UVRAG: variants seen among roughly 807,000 people sequenced by gnomAD.
UVRAG encodes the protein UV radiation resistance-associated gene protein.
A neutral mutation model predicts 78.0 loss-of-function variants in UVRAG; 19 were observed. That is an observed-to-expected ratio of 0.24 (90% confidence interval 0.17 to 0.36). The LOEUF (loss-of-function observed/expected upper bound fraction) is 0.36. Ranked by LOEUF, UVRAG falls within the 10% of genes least tolerant of loss-of-function variation. The pLI is 1.00. For synonymous variants in UVRAG, 323 were observed against 324.6 expected, an observed-to-expected ratio of 1.00 and a Z score of 0.05; for missense variants, 740 against 853.8, an observed-to-expected ratio of 0.87 and a Z score of 1.66.
intron 5 of UVRAG, among the ~76,000 whole-genome samples, chr11:75,903,886 A>G (rs989415833): frequency 1.3e-5 from 2 of 152,170 alleles, no homozygotes; most frequent in Non-Finnish European, 2.9e-5. Flanking sequence ...TTATTTCTGT[A>G]TACATTTTGT....
intron 5 of UVRAG, among the ~76,000 whole-genome samples, chr11:75,906,064 G>C (rs1209704951): frequency 6.6e-6 from 1 of 152,026 alleles, no homozygotes; most frequent in African/African-American, 2.4e-5. Flanking sequence ...TTTTGCTGTT[G>C]AATGTATGAG....
At chr11:75,878,937 G>GAGAAGA (rs796830298) in intron 3 of UVRAG, among the ~76,000 whole-genome samples, 2 of 147,568 alleles carry the variant, frequency 1.4e-5, no homozygotes, top group Middle Eastern at 3.3e-3. Flanking sequence ...GAGGGAGAGG[G>GAGAAGA]AGACCCCCTT....
intron 5 of UVRAG, among the ~76,000 whole-genome samples, chr11:75,890,302 T>C (rs1346263128): frequency 6.6e-6 from 1 of 152,216 alleles, no homozygotes; most frequent in Non-Finnish European, 1.5e-5. Context: ...GGGAGACCAG[T>C]AAGGAGGATC....
chr11:75,997,788 A>G (rs1949736141), intron 8 of UVRAG, among the ~76,000 whole-genome samples: 1 of 152,238 alleles, frequency 6.6e-6, no homozygotes, highest in Non-Finnish European at 1.5e-5. Flanking sequence ...AGAGGCTTCA[A>G]GCTTGGAATT....
chr11:76,034,105 A>G (rs1361784682), intron 12 of UVRAG, among the ~76,000 whole-genome samples: 1 of 152,210 alleles, frequency 6.6e-6, no homozygotes, highest in Non-Finnish European at 1.5e-5. Context: ...GGAATTATTC[A>G]TAATTATATA....
At chr11:75,845,795 C>A (rs561573908) in intron 1 of UVRAG, among the ~76,000 whole-genome samples, 254 of 152,136 alleles carry the variant, frequency 1.7e-3, no homozygotes, top group Admixed American at 2.9e-3. Context: ...GTACCCCAAA[C>A]CCTGAGACAT....
At chr11:76,042,657 G>A (rs1242687056) in intron 12 of UVRAG, among the ~76,000 whole-genome samples, 1 of 152,192 alleles carries the variant, frequency 6.6e-6, no homozygotes, top group African/African-American at 2.4e-5. Context: ...ATAGTTTTAT[G>A]CACTAAGACA....
At chr11:75,967,985 A>G (rs771899776) in intron 7 of UVRAG, among the ~76,000 whole-genome samples, 1 of 152,256 alleles carries the variant, frequency 6.6e-6, no homozygotes. Context: ...TTTAGCTCCA[A>G]TATGATCAAT....
intron 12 of UVRAG, among the ~76,000 whole-genome samples, chr11:76,027,519 T>C (rs938047122): frequency 1.3e-5 from 2 of 152,098 alleles, no homozygotes; most frequent in African/African-American, 2.4e-5. Context: ...TTTGGGGTCA[T>C]GTTGGCTTCT....
At chr11:76,104,759 G>GT (rs1471735618) in intron 13 of UVRAG, among the ~76,000 whole-genome samples, 1 of 152,124 alleles carries the variant, frequency 6.6e-6, no homozygotes, top group Non-Finnish European at 1.5e-5. Flanking sequence ...ATCCTGTCGG[G>GT]TATTTGTGGT....
At chr11:76,005,698 C>A (rs1949921422) in intron 9 of UVRAG, among the ~76,000 whole-genome samples, 1 of 152,364 alleles carries the variant, frequency 6.6e-6, no homozygotes, top group East Asian at 1.9e-4. Flanking sequence ...ATTTGGCAAG[C>A]CCCAGGTTGT....
chr11:75,996,044 T>C (rs767581210), intron 8 of UVRAG, among the ~76,000 whole-genome samples: 20 of 152,134 alleles, frequency 1.3e-4, no homozygotes, highest in Non-Finnish European at 2.6e-4. Context: ...CTTCTGATTT[T>C]ATTTCAGTTT....
rs117659469 is a variant in UVRAG at position 76,041,444 on chromosome 11, A to G, written c.1227-24266A>G. ...GTTGCCACTGCATCTGATAGTGGGAAGGGAGTTGGTATTGGTCAGCAGGGC... is the reference window on the plus strand; with the variant it reads ...GTTGCCACTGCATCTGATAGTGGGAGGGGAGTTGGTATTGGTCAGCAGGGC... On this transcript the variant is annotated intron_variant, in intron 12 of 14. Transcript: ENST00000356136. 4.3e-3 allele frequency among the ~76,000 whole-genome samples: 659 copies of G among 152,294 alleles called. 8 individuals carry two copies. Among genetic ancestry groups the G allele is most frequent in the East Asian group, 0.03 (156 of 5,188 alleles).
At chr11:75,914,905 T>G (rs1333624676) in intron 6 of UVRAG, among the ~76,000 whole-genome samples, 4 of 151,924 alleles carry the variant, frequency 2.6e-5, no homozygotes, top group African/African-American at 7.2e-5. Flanking sequence ...CACAGAAAAA[T>G]GGGCACTCTT....
intron 12 of UVRAG, among the ~76,000 whole-genome samples, chr11:76,020,417 C>T (rs1158302825): frequency 6.6e-6 from 1 of 152,106 alleles, no homozygotes; most frequent in Non-Finnish European, 1.5e-5. Flanking sequence ...CCTGGTTCTT[C>T]AGGGCCCAAG....
At chr11:75,878,007 C>T (rs1390060664) in intron 3 of UVRAG, among the ~76,000 whole-genome samples, 1 of 151,382 alleles carries the variant, frequency 6.6e-6, no homozygotes, top group Non-Finnish European at 1.5e-5. Context: ...GGCGGAGACG[C>T]TCCTCACTTC....
intron 4 of UVRAG, among the ~76,000 whole-genome samples, chr11:75,887,958 C>T (rs1274351057): frequency 2.0e-5 from 3 of 152,132 alleles, no homozygotes; most frequent in Non-Finnish European, 4.4e-5. Flanking sequence ...TGCAGCTCAC[C>T]TCATCTGAAA....
chr11:75,866,891 G>C (rs1946551629), intron 3 of UVRAG, among the ~76,000 whole-genome samples: 1 of 152,120 alleles, frequency 6.6e-6, no homozygotes, highest in South Asian at 2.1e-4. Context: ...CATAAGGCCT[G>C]AGCAATAGTC....
chr11:76,130,937 T>G (rs55694841), intron 14 of UVRAG, among the ~76,000 whole-genome samples: 6,317 of 138,704 alleles, frequency 0.046, 204 homozygotes, highest in Middle Eastern at 0.078. Flanking sequence ...GTTTTTTTGT[T>G]TTTTTTTTTC....
Sources: gnomAD v4.1 joint callset for allele counts (sites outside exome capture counted in the v4.1 genomes callset) on GRCh38, gnomAD v4.1.1 for gene constraint, MANE v1.5 for transcripts, NCBI Gene and HGNC (gene_info 2026-07-23, HGNC 2026-07-21) for gene names.